Variants in IKZF1 observed in about 807,000 individuals in gnomAD.
The protein encoded by IKZF1 is DNA-binding protein Ikaros.
A neutral mutation model predicts 51.7 loss-of-function variants in IKZF1; 10 were observed. The ratio of observed to expected loss-of-function variants is 0.19; its 90% CI spans 0.12 to 0.33. The LOEUF is 0.33. Ranked by LOEUF, IKZF1 falls within the 10% of genes least tolerant of loss-of-function variation. The probability of loss-of-function intolerance (pLI) is 1.00; values close to 1 mark genes in which losing one functional copy is unlikely to be tolerated. For missense variants in IKZF1, 484 were observed against 707.5 expected, an observed-to-expected ratio of 0.68 and a Z score of 3.58; for synonymous variants, 280 against 282.3, an observed-to-expected ratio of 0.99 and a Z score of 0.08.
chr7:50,348,272 C>T (rs548798808), intron 3 of IKZF1, among the ~76,000 whole-genome samples: 64 of 152,250 alleles, frequency 4.2e-4, no homozygotes, highest in African/African-American at 1.4e-3. Flanking sequence ...TTGTTGCCTC[C>T]GGACATGACA....
chr7:50,366,695 C>A (rs1681130245), intron 3 of IKZF1, among the ~76,000 whole-genome samples: 1 of 152,208 alleles, frequency 6.6e-6, no homozygotes, highest in South Asian at 2.1e-4. Flanking sequence ...TTCCTATTTG[C>A]AAAAGGTAAT....
At chr7:50,396,464 T>G (rs974661071) in intron 7 of IKZF1, among the ~76,000 whole-genome samples, 10 of 152,254 alleles carry the variant, frequency 6.6e-5, no homozygotes, top group African/African-American at 2.4e-4. Flanking sequence ...TGAATACTTT[T>G]AAAATTGATT....
At chr7:50,332,761 G>A (rs1163891771) in intron 3 of IKZF1, among the ~76,000 whole-genome samples, 7 of 152,118 alleles carry the variant, frequency 4.6e-5, no homozygotes, top group East Asian at 3.8e-4. Context: ...CTTGATAATC[G>A]GGACAACCTC....
At chr7:50,399,346 T>A (rs1239992064) in intron 7 of IKZF1, among the ~76,000 whole-genome samples, 1 of 152,084 alleles carries the variant, frequency 6.6e-6, no homozygotes, top group Admixed American at 6.5e-5. Context: ...ACAAAAAATA[T>A]ACAATCATCA....
At chr7:50,303,868 C>T (rs898690425), upstream of IKZF1, among the ~76,000 whole-genome samples, 155 of 147,542 alleles carry the variant, frequency 1.1e-3, 1 homozygote, top group Middle Eastern at 3.5e-3. This position sits in a 1 kb window ranked among gnomAD's most constrained non-coding sequence, Gnocchi z 4.7. Flanking sequence ...CCGCACGTGT[C>T]GCCCGCGCCG....
chr7:50,327,447 C>G, intron 2 of IKZF1, 191 bp from the exon 3 acceptor site: 1 of 508,240 alleles, frequency 2.0e-6, no homozygotes, highest in Non-Finnish European at 3.4e-6. Flanking sequence ...CATCTATGTT[C>G]TCTCATTTGT....
At chr7:50,398,676 A>G (rs929677968) in intron 7 of IKZF1, among the ~76,000 whole-genome samples, 1 of 152,026 alleles carries the variant, frequency 6.6e-6, no homozygotes, top group African/African-American at 2.4e-5. Context: ...TCACTTACTC[A>G]CTGTTCTGTC....
chr7:50,319,233 T>A (rs1792446770), intron 2 of IKZF1, 132 bp downstream of exon 2: 1 of 630,894 alleles, frequency 1.6e-6, no homozygotes, highest in Admixed American at 2.5e-5. Flanking sequence ...CATGATGGAA[T>A]TTGCCTGAGT....
At chr7:50,375,664 A>G (rs945378811) in intron 3 of IKZF1, among the ~76,000 whole-genome samples, 3 of 151,938 alleles carry the variant, frequency 2.0e-5, no homozygotes, top group Admixed American at 6.6e-5. Context: ...TGCAGAGTCA[A>G]TAGTGGTCAT....
At chr7:50,384,016 G>A (rs1812635954) in intron 5 of IKZF1, among the ~76,000 whole-genome samples, 2 of 152,226 alleles carry the variant, frequency 1.3e-5, no homozygotes, top group African/African-American at 4.8e-5. Context: ...GTTACAGGAG[G>A]CATGACAGAG....
chr7:50,337,129 A>G (rs1797988280), intron 3 of IKZF1, among the ~76,000 whole-genome samples: 1 of 152,086 alleles, frequency 6.6e-6, no homozygotes, highest in Non-Finnish European at 1.5e-5. Context: ...GGAGCGGCAC[A>G]GGAGAGGAGG....
rs989341299 is a variant in IKZF1, at chr7:50,376,208, A to G, written c.161-325A>G. Among the ~76,000 whole-genome samples, 9 of 152,198 alleles carry G rather than the reference A, an allele frequency of 5.9e-5. No individual in the cohort carries two copies. The highest frequency in any genetic ancestry group is 1.2e-4 in the Non-Finnish European group (8 of 68,030). Reference sequence around the variant, plus strand: ...AGGCCTCAGACCACTCCTGACGTGAACCTGCTTAAAGTGAGGGCCCAATTC... The same window carrying G: ...AGGCCTCAGACCACTCCTGACGTGAGCCTGCTTAAAGTGAGGGCCCAATTC... On this transcript the variant is annotated intron_variant, in intron 3 of 7. Transcript: ENST00000331340. The surrounding 1 kb of genome is among the most constrained non-coding windows in gnomAD (Gnocchi z 4.5).
intron 3 of IKZF1, among the ~76,000 whole-genome samples, chr7:50,366,542 T>G (rs1305129927): frequency 1.3e-5 from 2 of 152,210 alleles, no homozygotes; most frequent in African/African-American, 4.8e-5. Flanking sequence ...GAGCTCTGGA[T>G]GTAGACTGCA....
chr7:50,382,868 A>C (rs1358720749), intron 5 of IKZF1, among the ~76,000 whole-genome samples, 161 bp downstream of exon 5: 2 of 150,760 alleles, frequency 1.3e-5, no homozygotes. Flanking sequence ...ACATTGCCCC[A>C]TCCCCCCTCC....
Position 50,307,806 on chromosome 7 carries a change from C to T in IKZF1, c.-15+2884C>T, listed in dbSNP as rs10244023. On this transcript the variant is annotated intron_variant, in intron 1 of 7. Transcript: ENST00000331340. ...GATCAGCATTATACACACTGTCACACACACACACACTTAAAATTCAGATGA... is the reference window on the plus strand; with the variant it reads ...GATCAGCATTATACACACTGTCACATACACACACACTTAAAATTCAGATGA... Among the ~76,000 whole-genome samples, 668 of 152,260 alleles carry T rather than the reference C, an allele frequency of 4.4e-3. 2 individuals are homozygous for T. The highest frequency in any genetic ancestry group is 6.8e-3 in the Middle Eastern group (2 of 294).
Position 50,404,550 on chromosome 7 carries a change from G to T in IKZF1, c.*3923G>T. 1 of 229,658 alleles carries T rather than the reference G, an allele frequency of 4.4e-6. No individual in the cohort carries two copies. The highest frequency in any genetic ancestry group is 8.6e-6 in the Non-Finnish European group (1 of 115,746). 14.2% of individuals were successfully genotyped at this position (229,658 alleles called of 1,614,324 possible). ...CCAATATGAGAGGGAGAAGAGATGG[G>T]CCTCAGGACAGCTGCAATACCACTT... is the stretch of plus-strand genomic sequence containing the variant. On this transcript the variant is annotated 3_prime_UTR_variant, in exon 8 of 8. Transcript: ENST00000331340.
chr7:50,365,242 A>G (rs945012678), intron 3 of IKZF1, among the ~76,000 whole-genome samples: 1 of 152,246 alleles, frequency 6.6e-6, no homozygotes, highest in Non-Finnish European at 1.5e-5. Flanking sequence ...CTAGAATAGT[A>G]CACACTTCTT....
chr7:50,403,969 T>A lies in IKZF1; in HGVS notation c.*3342T>A. On this transcript the variant is annotated 3_prime_UTR_variant, in exon 8 of 8. Transcript: ENST00000331340. ...GTTCCAGCAATAATGAATGGTCAAC[T>A]TTTTTAAAATCTAGATCTCTCTCAT... 1 of 214,944 alleles carries A rather than the reference T, an allele frequency of 4.7e-6. No homozygotes were observed. Among genetic ancestry groups the A allele is most frequent in the East Asian group, 6.9e-5 (1 of 14,456 alleles). The allele number at this position is 214,944 out of a possible 1,614,324, so 13.3% of individuals were successfully genotyped here.
At chr7:50,397,786 T>A (rs1023658340) in intron 7 of IKZF1, among the ~76,000 whole-genome samples, 1 of 152,222 alleles carries the variant, frequency 6.6e-6, no homozygotes, top group Non-Finnish European at 1.5e-5. Context: ...ACACCACTTC[T>A]TTGGTCCCTA....
Sources: gnomAD v4.1 joint callset for allele counts (sites outside exome capture counted in the v4.1 genomes callset) on GRCh38, gnomAD v4.1.1 for gene constraint, Gnocchi (gnomAD v3.1) non-coding constraint, MANE v1.5 for transcripts, NCBI Gene and HGNC (gene_info 2026-07-23, HGNC 2026-07-21) for gene names.